MIS18A: variants seen among roughly 807,000 people sequenced by gnomAD.
MIS18A encodes protein Mis18-alpha.
In MIS18A, 14 loss-of-function variants were observed where a neutral mutation model predicts 25.0. The observed-to-expected ratio is 0.56, with a 90% CI of 0.37 to 0.88. MIS18A has a LOEUF of 0.88. Ranked by LOEUF, MIS18A falls within the 40% of genes least tolerant of loss-of-function variation. The pLI is 0.00. For synonymous variants in MIS18A, 134 were observed against 118.6 expected, an observed-to-expected ratio of 1.13 and a Z score of -0.84; for missense variants, 292 against 290.8, an observed-to-expected ratio of 1.00 and a Z score of -0.03.
At chr21:32,205,739 C>G in the MIS18A span, among the ~76,000 whole-genome samples, 5 of 152,114 alleles carry the variant, frequency 3.3e-5, no homozygotes, top group Non-Finnish European at 7.4e-5. Flanking sequence ...CATTCTGGGC[C>G]GGTTGGCTGC....
At chr21:32,249,848 GC>G in the MIS18A span, among the ~76,000 whole-genome samples, 1 of 152,092 alleles carries the variant, frequency 6.6e-6, no homozygotes, top group Non-Finnish European at 1.5e-5. Flanking sequence ...ACCTCCCCCA[GC>G]CCCCACTTCC....
chr21:32,225,445 C>T, the MIS18A span, among the ~76,000 whole-genome samples: 1 of 32,686 alleles, frequency 3.1e-5, no homozygotes, highest in East Asian at 9.3e-4. Context: ...AAAAAACAAA[C>T]AACCCCATCA....
At chr21:32,223,606 A>G in the MIS18A span, among the ~76,000 whole-genome samples, 1 of 152,232 alleles carries the variant, frequency 6.6e-6, no homozygotes, top group Admixed American at 6.5e-5. Context: ...GAATAGACCA[A>G]TAACAACTTC....
At chr21:32,165,654 A>T in the MIS18A span, among the ~76,000 whole-genome samples, 1 of 152,098 alleles carries the variant, frequency 6.6e-6, no homozygotes, top group Admixed American at 6.6e-5. Context: ...AAAGAAAAAA[A>T]CCCCAAAACC....
chr21:32,232,161 C>T, the MIS18A span, among the ~76,000 whole-genome samples: 1 of 152,026 alleles, frequency 6.6e-6, no homozygotes, highest in East Asian at 1.9e-4. Context: ...ATATCTATAC[C>T]TATAGCTATA....
the MIS18A span, among the ~76,000 whole-genome samples, chr21:32,217,526 G>C: frequency 6.6e-6 from 1 of 152,186 alleles, no homozygotes; most frequent in Admixed American, 6.5e-5. Context: ...GTAGTGAAGA[G>C]AGAGAAAGGA....
chr21:32,242,802 C>G, the MIS18A span, among the ~76,000 whole-genome samples: 1 of 152,182 alleles, frequency 6.6e-6, no homozygotes, highest in Admixed American at 6.5e-5. Flanking sequence ...AGTGAAGACT[C>G]AGACATGGTG....
At chr21:32,159,064 T>G in the MIS18A span, among the ~76,000 whole-genome samples, 8 of 152,204 alleles carry the variant, frequency 5.3e-5, no homozygotes, top group Non-Finnish European at 8.8e-5. Context: ...TTTACCTTGT[T>G]TTATACATAA....
intron 1 of MIS18A, among the ~76,000 whole-genome samples, chr21:32,276,680 C>CAGCA: frequency 6.6e-6 from 1 of 151,958 alleles, no homozygotes; most frequent in Non-Finnish European, 1.5e-5. Flanking sequence ...TCTGTACTCC[C>CAGCA]AGCACTTTAG....
the MIS18A span, among the ~76,000 whole-genome samples, chr21:32,188,959 G>T: frequency 1.3e-5 from 2 of 152,166 alleles, no homozygotes; most frequent in African/African-American, 4.8e-5. Flanking sequence ...TTTTATAAAG[G>T]CCAAGATGTG....
the MIS18A span, among the ~76,000 whole-genome samples, chr21:32,194,791 C>T: frequency 2.0e-5 from 3 of 152,058 alleles, no homozygotes; most frequent in Admixed American, 1.3e-4. Flanking sequence ...GACTCAGAAA[C>T]AGAAAGCCAA....
the MIS18A span, among the ~76,000 whole-genome samples, chr21:32,167,433 T>C: frequency 3.9e-5 from 6 of 152,224 alleles, no homozygotes; most frequent in South Asian, 8.3e-4. Context: ...TGGAATTTAT[T>C]TTTTAAACAC....
At chr21:32,176,950 A>T in the MIS18A span, among the ~76,000 whole-genome samples, 1 of 152,134 alleles carries the variant, frequency 6.6e-6, no homozygotes, top group African/African-American at 2.4e-5. Context: ...CAAGAAGAGA[A>T]AATTACATTC....
At chr21:32,241,219 C>T in the MIS18A span, among the ~76,000 whole-genome samples, 1 of 152,144 alleles carries the variant, frequency 6.6e-6, no homozygotes, top group Non-Finnish European at 1.5e-5. Context: ...ACTGACTGTT[C>T]ACTTTCAGTT....
At chr21:32,167,577 G>T in the MIS18A span, among the ~76,000 whole-genome samples, 2 of 152,112 alleles carry the variant, frequency 1.3e-5, no homozygotes, top group Non-Finnish European at 2.9e-5. Context: ...CCTTACTGGG[G>T]CATAGAGAGC....
chr21:32,200,226 A>G, the MIS18A span, among the ~76,000 whole-genome samples: 5 of 152,174 alleles, frequency 3.3e-5, no homozygotes, highest in Non-Finnish European at 7.3e-5. Context: ...ATAAAACTTT[A>G]TTTGCAAAAA....
At chr21:32,257,752 G>A in the MIS18A span, among the ~76,000 whole-genome samples, 279 of 152,276 alleles carry the variant, frequency 1.8e-3, no homozygotes, top group African/African-American at 6.4e-3. Flanking sequence ...TGGAGGCTCC[G>A]TAGGACACAC....
chr21:32,212,590 C>T, the MIS18A span, among the ~76,000 whole-genome samples: 1 of 152,108 alleles, frequency 6.6e-6, no homozygotes, highest in African/African-American at 2.4e-5. Flanking sequence ...TGATCCTTCT[C>T]CAGCTGCTGT....
chr21:32,160,544 A>G, the MIS18A span, among the ~76,000 whole-genome samples: 1 of 152,220 alleles, frequency 6.6e-6, no homozygotes, highest in South Asian at 2.1e-4. Context: ...TGAGACATCA[A>G]TCAACATACA....
Sources: gnomAD v4.1 joint callset for allele counts (sites outside exome capture counted in the v4.1 genomes callset) on GRCh38, gnomAD v4.1.1 for gene constraint, MANE v1.5 for transcripts, NCBI Gene and HGNC (gene_info 2026-07-23, HGNC 2026-07-21) for gene names.